Variants in MLYCD observed in about 807,000 individuals in gnomAD.
MLYCD encodes malonyl-CoA decarboxylase.
Under a neutral mutation model 35.8 loss-of-function variants are expected in MLYCD, and 27 were observed. The observed-to-expected ratio is 0.75, with a 90% CI of 0.56 to 1.04. MLYCD has a LOEUF of 1.04. MLYCD is among the 50% of genes least tolerant of loss of function. The pLI is 0.00. For synonymous variants in MLYCD, 403 were observed against 302.4 expected (o/e 1.33, Z -3.45); for missense variants, 917 against 665.1 (o/e 1.38, Z -4.17).
At chr16:83,908,914 C>T (rs188506450) in intron 3 of MLYCD, among the ~76,000 whole-genome samples, 51 of 152,310 alleles carry the variant, frequency 3.3e-4, no homozygotes, top group Non-Finnish European at 6.0e-4. Context: ...GCATGAGACC[C>T]CTGGGGCATT....
intron 1 of MLYCD, among the ~76,000 whole-genome samples, chr16:83,903,381 C>T (rs1906866345): frequency 6.6e-6 from 1 of 152,192 alleles, no homozygotes; most frequent in Non-Finnish European, 1.5e-5. Flanking sequence ...ACAGTATACC[C>T]ATAGCATCAA....
intron 3 of MLYCD, among the ~76,000 whole-genome samples, chr16:83,909,657 T>C (rs1012398295): frequency 4.0e-5 from 6 of 150,940 alleles, no homozygotes; most frequent in African/African-American, 1.5e-4. Flanking sequence ...GTTTCGCTCT[T>C]CTTGCGCAGG....
At position 83,914,974 on chromosome 16, in the gene MLYCD, G is replaced by A; in HGVS notation, c.967G>A (p.Gly323Arg). 1 of 1,614,184 alleles carries A rather than the reference G, an allele frequency of 6.2e-7. No homozygotes were observed. The change falls in exon 5 of 5, where the codon GGG becomes AGG. Residue 323 changes from glycine (G) to arginine (R), a missense_variant. By Grantham distance (125) the Gly-to-Arg change is moderately radical (BLOSUM62 -2). Coordinates refer to ENST00000262430, the MANE Select transcript of MLYCD (RefSeq NM_012213.3). ...KELQREFPHLGVFSSLSPIPG... is the reference protein window; with the variant it reads ...KELQREFPHLRVFSSLSPIPG... ...TTTACAGAGAGAGTTTCCTCACCTT[G>A]GGGTGTTTTCAAGTCTGTCACCTAT...
In MLYCD at chr16:83,916,071, A is replaced by G. The variant is rs2151060529; in HGVS notation, c.*582A>G. ...TGTAGTAAGTTAAATTGTTGAACAC[A>G]AAAATGTTGCTGCTTGAGGCATAAG... On this transcript the variant is annotated 3_prime_UTR_variant, in exon 5 of 5. Transcript: ENST00000262430. The G allele has an allele frequency of 5.0e-6, 5 of 997,132 alleles. No homozygotes were observed. The South Asian group carries it at 1.8e-4, about 35-fold the overall frequency. The allele number at this position is 997,132 out of a possible 1,614,324, so 61.8% of individuals were successfully genotyped here.
Position 83,907,762 on chromosome 16 carries a change from CT to C in MLYCD, c.642-363del, listed in dbSNP as rs1417271082. Among the ~76,000 whole-genome samples, 9 of 152,258 alleles carry C rather than the reference CT, an allele frequency of 5.9e-5. No individual in the cohort carries two copies. The East Asian group carries it at 1.5e-3, about 26-fold the overall frequency. ...TGCTGGAAGACACCAGATGAGCCCC[CT>C]GATTGCAGCACTGACGGCTTCACAG... is the stretch of plus-strand genomic sequence containing the variant. On this transcript the variant is annotated intron_variant, in intron 2 of 4. Transcript: ENST00000262430.
At chr16:83,909,620 GTTTT>G (rs1281867257) in intron 3 of MLYCD, among the ~76,000 whole-genome samples, 10,797 of 130,804 alleles carry the variant, frequency 0.083, 482 homozygotes, top group East Asian at 0.12. Context: ...GTGGTGTTGT[GTTTT>G]TTTTTTTTTT....
Position 83,914,981 on chromosome 16 carries a change from T to C in MLYCD, c.974T>C (p.Phe325Ser). Residue 325 changes from phenylalanine (F) to serine (S), a missense_variant, in exon 5 of 5, where the codon TTT (phenylalanine) becomes TCT (serine). Phe to Ser is a radical substitution (Grantham distance 155). Transcript: ENST00000262430. Reference sequence around the variant, plus strand: ...AGAGAGTTTCCTCACCTTGGGGTGTTTTCAAGTCTGTCACCTATACCTGGT... The same window carrying C: ...AGAGAGTTTCCTCACCTTGGGGTGTCTTCAAGTCTGTCACCTATACCTGGT... ...LQREFPHLGV[F>S]SSLSPIPGFT... 1 of 1,614,214 alleles carries C rather than the reference T, an allele frequency of 6.2e-7. No individual in the cohort carries two copies. The highest frequency in any genetic ancestry group is 8.5e-7 in the Non-Finnish European group (1 of 1,180,042).
intron 1 of MLYCD, among the ~76,000 whole-genome samples, chr16:83,905,988 C>A (rs1023577734): frequency 6.6e-6 from 1 of 152,110 alleles, no homozygotes; most frequent in Non-Finnish European, 1.5e-5. Flanking sequence ...GAAGTAGATA[C>A]AATATAAATA....
In MLYCD at chr16:83,926,804, T is replaced by C. The variant is rs1451441640; in HGVS notation, c.*11315T>C. On this transcript the variant is annotated 3_prime_UTR_variant, in exon 5 of 5. Coordinates refer to ENST00000262430, the MANE Select transcript of MLYCD (RefSeq NM_012213.3). The stretch of plus-strand genomic sequence containing the variant: ...TGGGACAGATGGATCCCAGTCTGGG[T>C]CCTCGCAAGCGCTGTGCACCCCGTC... 1.3e-5 allele frequency: 2 copies of C among 152,114 alleles called. No homozygotes were observed. Among genetic ancestry groups the C allele is most frequent in the Non-Finnish European group, 2.9e-5 (2 of 68,042 alleles). 9.4% of individuals were successfully genotyped at this position (152,114 alleles called of 1,614,324 possible).
intron 1 of MLYCD, among the ~76,000 whole-genome samples, chr16:83,900,165 C>T (rs1424753027): frequency 6.6e-6 from 1 of 152,142 alleles, no homozygotes; most frequent in African/African-American, 2.4e-5. Flanking sequence ...GACTCAAGGT[C>T]ACCACCACCA....
rs766028196 is a variant in MLYCD at position 83,927,026 on chromosome 16, T to TAAAAC, written c.*11537_*11538insAAAAC. The TAAAAC allele has an allele frequency of 1.3e-5, 2 of 151,700 alleles. No homozygotes were observed. Among genetic ancestry groups the TAAAAC allele is most frequent in the Non-Finnish European group, 2.9e-5 (2 of 67,954 alleles). 9.4% of individuals were successfully genotyped at this position (151,700 alleles called of 1,614,324 possible). A position where few individuals can be genotyped will look rare whatever the true frequency, so the allele number is the denominator to read the frequency against. ...AAAAAATAAAAATAAAAAAATAAAA[T>TAAAAC]CCTAACAGGTAGCATACCTGCACTC... On this transcript the variant is annotated 3_prime_UTR_variant, in exon 5 of 5. Transcript: ENST00000262430.
intron 4 of MLYCD, 54 bp downstream of exon 4, chr16:83,912,421 A>T: frequency 6.2e-7 from 1 of 1,611,072 alleles, no homozygotes; most frequent in Admixed American, 1.7e-5. Context: ...TGGTCAGGTC[A>T]GCGAACCTCG....
At chr16:83,906,966 G>A in intron 1 of MLYCD, 21 bp from the exon 2 acceptor site, 1 of 1,605,008 alleles carries the variant, frequency 6.2e-7, no homozygotes, top group Non-Finnish European at 8.5e-7. Flanking sequence ...GGAGGCCTGG[G>A]ATTTATCTTC....
In MLYCD at chr16:83,915,459, G is replaced by T; in HGVS notation, c.1452G>T (p.Val484=). The change falls in exon 5 of 5, where the codon GTG becomes GTT. Residue 484 remains valine (V), a synonymous_variant. Coordinates refer to ENST00000262430, the MANE Select transcript of MLYCD (RefSeq NM_012213.3). The stretch of plus-strand genomic sequence containing the variant: ...CCTCTGAGCAGGTCCTCAGCCTAGT[G>T]GCCCAGTTTCAAAAGAACAGCAAGC... The part of the protein sequence containing the change: ...IKASEQVLSL[V]AQFQKNSKL 1 of 1,612,944 alleles carries T rather than the reference G, an allele frequency of 6.2e-7. No homozygotes were observed. Among genetic ancestry groups the T allele is most frequent in the South Asian group, 1.1e-5 (1 of 91,080 alleles).
Position 83,915,398 on chromosome 16 carries a change from A to G in MLYCD, c.1391A>G (p.Asn464Ser), listed in dbSNP as rs772670485. Reference protein sequence around the residue: ...YRYFLEETGPNSTSYLGSKII... With the variant: ...YRYFLEETGPSSTSYLGSKII... ...TACTTCCTGGAGGAGACGGGCCCCA[A>G]CAGCACCTCCTACCTCGGCTCCAAG... Residue 464 changes from asparagine to serine, a missense_variant, in exon 5 of 5, where the codon AAC (asparagine) becomes AGC (serine). Asn to Ser is a conservative substitution (Grantham distance 46). Coordinates refer to ENST00000262430, the MANE Select transcript of MLYCD (RefSeq NM_012213.3). 3.1e-6 allele frequency: 5 copies of G among 1,613,788 alleles called. No homozygotes were observed. The highest frequency in any genetic ancestry group is 2.7e-5 in the African/African-American group (2 of 74,952).
At chr16:83,910,851 C>T (rs545963777) in intron 3 of MLYCD, among the ~76,000 whole-genome samples, 1 of 152,346 alleles carries the variant, frequency 6.6e-6, no homozygotes, top group East Asian at 1.9e-4. Context: ...TCCCCCTTTC[C>T]TCACAGCAGC....
rs765383753 is a variant in MLYCD at position 83,899,339 on chromosome 16, G to C, written c.195G>C (p.Glu65Asp). 2 of 1,514,944 alleles carry C rather than the reference G, an allele frequency of 1.3e-6. No homozygotes were observed. Among genetic ancestry groups the C allele is most frequent in the Non-Finnish European group, 8.8e-7 (1 of 1,139,634 alleles). The allele number at this position is 1,514,944 out of a possible 1,614,324, so 93.8% of individuals were successfully genotyped here. ...GCGAGAAGACACCGGCGCCCGCCGA[G>C]GGTCAGTGCGCGGACTTCGTGAGCT... ...ELREKTPAPA[E>D]GQCADFVSFY... Residue 65 changes from glutamate to aspartate, a missense_variant, in exon 1 of 5, where the codon GAG becomes GAC. Coordinates refer to ENST00000262430, the MANE Select transcript of MLYCD (RefSeq NM_012213.3).
At chr16:83,910,216 T>C (rs1351090028) in intron 3 of MLYCD, among the ~76,000 whole-genome samples, 2 of 151,842 alleles carry the variant, frequency 1.3e-5, no homozygotes, top group Non-Finnish European at 2.9e-5. Context: ...GCATGGTTTT[T>C]TTTTTTTGCC....
At chr16:83,904,133 A>G (rs1906894916) in intron 1 of MLYCD, among the ~76,000 whole-genome samples, 1 of 152,110 alleles carries the variant, frequency 6.6e-6, no homozygotes, top group Admixed American at 6.6e-5. Context: ...CAGCCAAACC[A>G]TTTCTTTCAT....
Sources: gnomAD v4.1 joint callset for allele counts (sites outside exome capture counted in the v4.1 genomes callset) on GRCh38, gnomAD v4.1.1 for gene constraint, MANE v1.5 for transcripts, NCBI Gene and HGNC (gene_info 2026-07-23, HGNC 2026-07-21) for gene names.